GET1: variants seen among roughly 807,000 people sequenced by gnomAD.
The protein encoded by GET1 is congenital heart disease 5 protein.
In GET1, 20 loss-of-function variants were observed where a neutral mutation model predicts 22.6. The observed-to-expected ratio is 0.89, with a 90% CI of 0.62 to 1.29. The LOEUF is 1.29. Ranked by LOEUF, GET1 falls within the 50% of genes most tolerant of loss-of-function variation. The pLI is 0.00. For synonymous variants in GET1, 92 were observed against 83.8 expected (o/e 1.10, Z -0.53); for missense variants, 209 against 219.9 (o/e 0.95, Z 0.31).
At chr21:39,415,334 G>C (rs2040941994) in intron 1 of GET1, among the ~76,000 whole-genome samples, 1 of 152,078 alleles carries the variant, frequency 6.6e-6, no homozygotes, top group Non-Finnish European at 1.5e-5. Context: ...AATTTCAAAA[G>C]CATTTTTCCC....
intron 1 of GET1, among the ~76,000 whole-genome samples, chr21:39,421,147 G>A (rs1284745199): frequency 1.3e-5 from 2 of 148,686 alleles, no homozygotes; most frequent in Non-Finnish European, 3.0e-5. Context: ...CTGTTGCCCA[G>A]GCTGGAATGC....
chr21:39,380,354 A>T lies in GET1; in HGVS notation c.-31A>T. The T allele has an allele frequency of 6.3e-7, 1 of 1,574,956 alleles. No homozygotes were observed. The highest frequency in any genetic ancestry group is 8.6e-7 in the Non-Finnish European group (1 of 1,158,844). The stretch of plus-strand genomic sequence containing the variant: ...GTTGTGGTCCCCATGGAGCTGCCGT[A>T]GCGGACCCAGCACAGCCAGGAGCGT... On this transcript the variant is annotated 5_prime_UTR_variant, in exon 1 of 5. It removes the in-frame stop codon of an upstream open reading frame in the 5' UTR. Coordinates refer to ENST00000649170, the MANE Select transcript of GET1 (RefSeq NM_004627.6).
chr21:39,396,915 T>C lies in GET1; in HGVS notation c.501T>C (p.Ala167=), dbSNP rs117922305. 9,656 of 1,614,062 alleles carry C rather than the reference T, an allele frequency of 6.0e-3. 43 individuals carry two copies. Among genetic ancestry groups the C allele is most frequent in the Non-Finnish European group, 7.2e-3 (8,535 of 1,180,006 alleles). ...CWILVCNKVV[A]IVLHPFS is the part of the protein sequence containing the mutation. ...TTTTAGTCTGTAACAAAGTTGTCGCTATTGTGCTTCATCCGTTCAGCTGAA... is the reference window on the plus strand; with the variant it reads ...TTTTAGTCTGTAACAAAGTTGTCGCCATTGTGCTTCATCCGTTCAGCTGAA... The change falls in exon 5 of 5, where the codon GCT becomes GCC. Residue 167 remains alanine (A), a synonymous_variant. Transcript: ENST00000649170.
chr21:39,416,771 C>T (rs1269360897), intron 1 of GET1, among the ~76,000 whole-genome samples: 1 of 152,136 alleles, frequency 6.6e-6, no homozygotes, highest in Non-Finnish European at 1.5e-5. Flanking sequence ...ACAACATCAA[C>T]ATCATTACCA....
At chr21:39,393,952 G>A (rs754524140) in intron 4 of GET1, among the ~76,000 whole-genome samples, 12 of 151,862 alleles carry the variant, frequency 7.9e-5, no homozygotes, top group Non-Finnish European at 1.8e-4. Context: ...GCCCAGCCAC[G>A]TTCTTTTATT....
At chr21:39,394,289 A>C (rs2038499196) in intron 4 of GET1, among the ~76,000 whole-genome samples, 1 of 152,192 alleles carries the variant, frequency 6.6e-6, no homozygotes, top group African/African-American at 2.4e-5. Context: ...ACGCCAGTGT[A>C]CCCCAGCCTG....
intron 1 of GET1, among the ~76,000 whole-genome samples, chr21:39,418,842 G>C (rs2041769106): frequency 6.6e-6 from 1 of 152,074 alleles, no homozygotes; most frequent in African/African-American, 2.4e-5. Context: ...ATATTCATAT[G>C]TCTGCATGAG....
At chr21:39,396,791 G>A in intron 4 of GET1, 75 bp from the exon 5 acceptor site, 1 of 1,304,968 alleles carries the variant, frequency 7.7e-7, no homozygotes, top group Non-Finnish European at 1.1e-6. Context: ...TCTTTGCTGT[G>A]AGTTAAAGAC....
intron 1 of GET1, among the ~76,000 whole-genome samples, chr21:39,418,227 T>A (rs2041640926): frequency 1.3e-5 from 2 of 152,156 alleles, no homozygotes; most frequent in African/African-American, 4.8e-5. Flanking sequence ...GAGATTTGGG[T>A]GGGGACACAG....
intron 1 of GET1, among the ~76,000 whole-genome samples, chr21:39,414,447 C>T (rs1018812728): frequency 2.6e-5 from 4 of 152,044 alleles, no homozygotes; most frequent in South Asian, 2.1e-4. Flanking sequence ...AGTAAAGAAA[C>T]GAACTTTTGA....
chr21:39,401,463 C>A (rs923850002), downstream of GET1, among the ~76,000 whole-genome samples: 1 of 152,140 alleles, frequency 6.6e-6, no homozygotes, highest in Admixed American at 6.5e-5. Context: ...GTATCTTTCA[C>A]CCAAGTTTTA....
At chr21:39,390,635 G>C (rs1569036917) in intron 1 of GET1, 63 bp from the exon 2 acceptor site, 16 of 1,588,918 alleles carry the variant, frequency 1.0e-5, no homozygotes, top group Non-Finnish European at 1.4e-5. Flanking sequence ...AGTAGCGGGG[G>C]ACTGGGGAAC....
rs1453241008 is a variant in GET1, at chr21:39,380,334, G to C, written c.-51G>C. The C allele has an allele frequency of 1.9e-6, 3 of 1,553,770 alleles. No homozygotes were observed. Among genetic ancestry groups the C allele is most frequent in the South Asian group, 1.2e-5 (1 of 85,514 alleles). On this transcript the variant is annotated 5_prime_UTR_variant, in exon 1 of 5. Transcript: ENST00000649170. ...CAGGCGCGGTCGCCGCTGTTGTTGT[G>C]GTCCCCATGGAGCTGCCGTAGCGGA...
intron 1 of GET1, chr21:39,423,391 T>G (rs1339713864): frequency 1.9e-6 from 3 of 1,611,428 alleles, no homozygotes; most frequent in Non-Finnish European, 1.7e-6. Flanking sequence ...GAGTATTCGA[T>G]GAGCCATAGC....
intron 1 of GET1, chr21:39,411,803 C>T (rs1461120141): frequency 6.4e-7 from 1 of 1,565,750 alleles, no homozygotes; most frequent in East Asian, 2.2e-5. Flanking sequence ...GATCCTTTTC[C>T]TAAAAAGAAC....
intron 1 of GET1, among the ~76,000 whole-genome samples, chr21:39,384,906 G>A (rs946080311): frequency 9.9e-5 from 15 of 152,100 alleles, no homozygotes; most frequent in African/African-American, 3.6e-4. Context: ...TTGTTAGCCA[G>A]GTTCAGAAGG....
downstream of GET1, among the ~76,000 whole-genome samples, chr21:39,410,530 C>T (rs192831537): frequency 1.3e-5 from 2 of 152,038 alleles, no homozygotes; most frequent in African/African-American, 4.8e-5. Flanking sequence ...CTGTTTTTCC[C>T]TCCAGGGCCC....
Position 39,390,908 on chromosome 21 carries a change from A to G in GET1, c.268+45A>G, listed in dbSNP as rs917970443. ...CTGGAGGCTTCATGAGAGCGGATGA[A>G]TAGAGAAGTCTGTATGTGAAGATTA... On this transcript the variant is annotated intron_variant, in intron 2 of 4. Coordinates refer to ENST00000649170, the MANE Select transcript of GET1 (RefSeq NM_004627.6). The G allele has an allele frequency of 5.6e-6, 9 of 1,603,514 alleles. No homozygotes were observed. In the African/African-American group the frequency reaches 1.2e-4, roughly 21 times the overall value.
At chr21:39,384,545 C>G (rs1056240341) in intron 1 of GET1, among the ~76,000 whole-genome samples, 3 of 149,856 alleles carry the variant, frequency 2.0e-5, no homozygotes, top group South Asian at 2.1e-4. Context: ...CAGCTGTGAG[C>G]CACCACACCT....
Sources: gnomAD v4.1 joint callset for allele counts (sites outside exome capture counted in the v4.1 genomes callset) on GRCh38, gnomAD v4.1.1 for gene constraint, MANE v1.5 for transcripts, NCBI Gene and HGNC (gene_info 2026-07-23, HGNC 2026-07-21) for gene names.